STK40: variants seen among roughly 807,000 people sequenced by gnomAD.
The protein encoded by STK40 is serine/threonine kinase 40, also known as serine/threonine-protein kinase 40.
STK40 carries 13 observed loss-of-function variants against 47.9 expected under a neutral mutation model. That is an observed-to-expected ratio of 0.27 (90% confidence interval 0.18 to 0.43). The LOEUF is 0.43. Ranked by LOEUF, STK40 falls within the 20% of genes least tolerant of loss-of-function variation. STK40 has a pLI of 1.00. For missense variants in STK40, 460 were observed against 595.1 expected (o/e 0.77, Z 2.36); for synonymous variants, 225 against 243.2 (o/e 0.93, Z 0.69).
At chr1:36,345,885 G>C (rs1158002045) in intron 7 of STK40, among the ~76,000 whole-genome samples, 1 of 148,940 alleles carries the variant, frequency 6.7e-6, no homozygotes, top group African/African-American at 2.5e-5. Flanking sequence ...GACCTTCCCT[G>C]GGCTTTGGCT....
At chr1:36,365,040 G>A (rs1646889586) in intron 1 of STK40, among the ~76,000 whole-genome samples, 1 of 144,000 alleles carries the variant, frequency 6.9e-6, no homozygotes, top group Non-Finnish European at 1.5e-5. Flanking sequence ...TGCCCAGGCT[G>A]GAGTGCAATG....
intron 1 of STK40, among the ~76,000 whole-genome samples, chr1:36,369,515 T>C (rs1230134146): frequency 6.6e-6 from 1 of 152,154 alleles, no homozygotes; most frequent in Non-Finnish European, 1.5e-5. Flanking sequence ...CCACACCAAA[T>C]GACACAATCC....
At position 36,355,085 on chromosome 1, in the gene STK40, T is replaced by G; in HGVS notation, c.570+121A>C. The G allele has an allele frequency of 1.5e-5, 15 of 1,023,284 alleles. No homozygotes were observed. In the South Asian group the frequency reaches 2.0e-4, roughly 14 times the overall value. The allele number at this position is 1,023,284 out of a possible 1,614,324, so 63.4% of individuals were successfully genotyped here. Reference sequence around the variant, plus strand: ...CACCTGCCATTCAGTCACTCTTCTTTTGGACACTCCCAGCTGCAAAGCACA... The same window carrying G: ...CACCTGCCATTCAGTCACTCTTCTTGTGGACACTCCCAGCTGCAAAGCACA... On this transcript the variant is annotated intron_variant, in intron 5 of 10. Coordinates refer to ENST00000373132, the MANE Select transcript of STK40 (RefSeq NM_001282547.2).
chr1:36,376,669 T>A (rs1646994903), intron 1 of STK40, among the ~76,000 whole-genome samples: 1 of 152,148 alleles, frequency 6.6e-6, no homozygotes, highest in Non-Finnish European at 1.5e-5. Context: ...TCCGACTAGG[T>A]CCACACCTGC....
intron 7 of STK40, among the ~76,000 whole-genome samples, chr1:36,347,246 A>G (rs1570436320): frequency 6.6e-6 from 1 of 152,134 alleles, no homozygotes. Flanking sequence ...GGGCGCACTC[A>G]TGTGTGGGGT....
chr1:36,345,250 G>A (rs961431979), intron 7 of STK40, among the ~76,000 whole-genome samples: 7 of 152,366 alleles, frequency 4.6e-5, no homozygotes, highest in Admixed American at 2.0e-4. Context: ...TGGAAGAGAC[G>A]CTGCCAGGCA....
intron 2 of STK40, among the ~76,000 whole-genome samples, chr1:36,359,434 T>C (rs1241257932): frequency 1.6e-4 from 25 of 152,246 alleles, no homozygotes; most frequent in Admixed American, 1.6e-3. Context: ...CAAGAGATCC[T>C]GGATCCCCTG....
intron 1 of STK40, among the ~76,000 whole-genome samples, chr1:36,367,634 T>C (rs1646913639): frequency 6.6e-6 from 1 of 152,196 alleles, no homozygotes; most frequent in African/African-American, 2.4e-5. Context: ...TGGTTCCACC[T>C]GGTAGACACA....
At chr1:36,352,474 C>T (rs1446113329) in intron 6 of STK40, among the ~76,000 whole-genome samples, 1 of 152,122 alleles carries the variant, frequency 6.6e-6, no homozygotes, top group Non-Finnish European at 1.5e-5. Flanking sequence ...AGTAAGTACC[C>T]AGAGGACCAC....
chr1:36,342,090 C>A, intron 10 of STK40, 117 bp from the exon 11 acceptor site: 1 of 979,834 alleles, frequency 1.0e-6, no homozygotes, highest in South Asian at 1.6e-5. Context: ...CCCTTCCAGG[C>A]ACCACACCCT....
chr1:36,379,250 C>T (rs1647018545), intron 1 of STK40, among the ~76,000 whole-genome samples: 1 of 152,178 alleles, frequency 6.6e-6, no homozygotes, highest in Non-Finnish European at 1.5e-5. Flanking sequence ...GACCCCTTCT[C>T]AGTTTTTCTA....
At chr1:36,366,407 AC>A (rs1240091450) in intron 1 of STK40, among the ~76,000 whole-genome samples, 3 of 152,022 alleles carry the variant, frequency 2.0e-5, no homozygotes, top group African/African-American at 7.3e-5. Flanking sequence ...CCTTCCTGCC[AC>A]CCCTTCATGC....
At chr1:36,379,593 G>A (rs1357892648) in intron 1 of STK40, among the ~76,000 whole-genome samples, 1 of 152,026 alleles carries the variant, frequency 6.6e-6, no homozygotes, top group Admixed American at 6.6e-5. Context: ...TGTTAGCCAG[G>A]ATGGTCTTGA....
chr1:36,379,978 G>C (rs1302068717), intron 1 of STK40, among the ~76,000 whole-genome samples: 3 of 152,170 alleles, frequency 2.0e-5, no homozygotes, highest in Non-Finnish European at 4.4e-5. Flanking sequence ...CCAAGTGTTT[G>C]TTAGCAGAGA....
chr1:36,347,632 A>G (rs1375299934), intron 7 of STK40, among the ~76,000 whole-genome samples: 1 of 151,742 alleles, frequency 6.6e-6, no homozygotes, highest in African/African-American at 2.4e-5. Flanking sequence ...ATCAGTGGGC[A>G]GTAACTTTAT....
Position 36,359,831 on chromosome 1 carries a change from C to T in STK40, c.113-1009G>A, listed in dbSNP as rs575862575. On this transcript the variant is annotated intron_variant, in intron 2 of 10. Transcript: ENST00000373132. ...CCATTCCCTGTCCCATGCCACACTCCAGCTCCTAATGTTGGGCTCCTAGTT... is the reference window on the plus strand; with the variant it reads ...CCATTCCCTGTCCCATGCCACACTCTAGCTCCTAATGTTGGGCTCCTAGTT... Among the ~76,000 whole-genome samples the T allele has an allele frequency of 1.1e-3, 167 of 152,342 alleles. 1 individual carries two copies. The highest frequency in any genetic ancestry group is 3.4e-3 in the Admixed American group (52 of 15,300).
intron 2 of STK40, 97 bp downstream of exon 2, chr1:36,361,124 C>T: frequency 1.4e-6 from 2 of 1,442,830 alleles, no homozygotes; most frequent in Non-Finnish European, 1.9e-6. Flanking sequence ...GTGGGTGGGC[C>T]ACCTCACTCT....
intron 1 of STK40, among the ~76,000 whole-genome samples, chr1:36,378,996 A>C (rs1647016686): frequency 6.6e-6 from 1 of 152,142 alleles, no homozygotes; most frequent in Non-Finnish European, 1.5e-5. Context: ...CGCTGAACCG[A>C]GCTTCTCCCT....
chr1:36,374,395 C>A (rs1440964580), intron 1 of STK40, among the ~76,000 whole-genome samples: 3 of 152,216 alleles, frequency 2.0e-5, no homozygotes, highest in Non-Finnish European at 4.4e-5. Flanking sequence ...TCTGCAGGCT[C>A]TCCTGGGGAA....
Sources: allele counts gnomAD v4.1 joint callset (sites outside exome capture counted in the v4.1 genomes callset), GRCh38; gene constraint gnomAD v4.1.1; transcripts MANE v1.5; gene names NCBI Gene and HGNC (gene_info 2026-07-23, HGNC 2026-07-21).